Variants in BCAS3 observed in about 807,000 individuals in gnomAD.
BCAS3 encodes BCAS4/BCAS3 fusion.
In BCAS3, 53 loss-of-function variants were observed where a neutral mutation model predicts 116.1. The ratio of observed to expected loss-of-function variants is 0.46; its 90% CI spans 0.37 to 0.57. BCAS3 has a LOEUF of 0.57. Ranked by LOEUF, BCAS3 falls within the 20% of genes least tolerant of loss-of-function variation. BCAS3 has a pLI of 0.00. For missense variants in BCAS3, 917 were observed against 1,165.4 expected (o/e 0.79, Z 3.10); for synonymous variants, 391 against 408.2 (o/e 0.96, Z 0.51).
chr17:60,975,745 G>A (rs550617384), intron 14 of BCAS3, among the ~76,000 whole-genome samples: 1 of 152,050 alleles, frequency 6.6e-6, no homozygotes, highest in Non-Finnish European at 1.5e-5. Context: ...TTCTGTATCT[G>A]TGGATTTGCT....
chr17:61,078,275 G>A, intron 20 of BCAS3, 58 bp from the exon 21 acceptor site: 1 of 1,392,734 alleles, frequency 7.2e-7, no homozygotes, highest in Non-Finnish European at 9.9e-7. Flanking sequence ...GGGGGATTGT[G>A]AAGTCTCTCA....
chr17:60,724,869 A>G (rs1406781539), intron 5 of BCAS3, among the ~76,000 whole-genome samples: 2 of 149,090 alleles, frequency 1.3e-5, no homozygotes, highest in Non-Finnish European at 3.0e-5. Flanking sequence ...CCTTTTTTGT[A>G]GAGACAGAGT....
chr17:60,751,536 CTTTTTCTTTTTTTTT>C (rs374923014), intron 6 of BCAS3, among the ~76,000 whole-genome samples: 110,352 of 149,584 alleles, frequency 0.74, 45,887 homozygotes, highest in South Asian at 0.98. Context: ...TCTTTTTTTT[CTTTTTCTTTTTTTTT>C]TTTTTTTTGA....
intron 2 of BCAS3, among the ~76,000 whole-genome samples, chr17:60,680,504 T>C (rs2032893106): frequency 6.6e-6 from 1 of 152,200 alleles, no homozygotes; most frequent in African/African-American, 2.4e-5. Flanking sequence ...AAGGAATCTC[T>C]TAGTCTAGGT....
rs1010995480 is a variant in BCAS3, at chr17:61,300,491, A to G, written c.2426-67836A>G. ...GCATTTAAACCCATTGTGCTTAAGT[A>G]CCAGATTTCATTGCAGACTCTTTAG... is the stretch of plus-strand genomic sequence containing the variant. On this transcript the variant is annotated intron_variant, in intron 22 of 23. Coordinates refer to ENST00000407086, the MANE Select transcript of BCAS3 (RefSeq NM_017679.5). The surrounding 1 kb of genome is among the most constrained non-coding windows in gnomAD (Gnocchi z 5.1). Among the ~76,000 whole-genome samples the G allele has an allele frequency of 1.3e-5, 2 of 152,200 alleles. No individual in the cohort carries two copies. The highest frequency in any genetic ancestry group is 2.9e-5 in the Non-Finnish European group (2 of 68,034).
In BCAS3 at chr17:61,204,438, A is replaced by G. The variant is rs2081013233; in HGVS notation, c.2425+119874A>G. Among the ~76,000 whole-genome samples the G allele has an allele frequency of 6.6e-6, 1 of 152,128 alleles. No individual in the cohort carries two copies. Among genetic ancestry groups the G allele is most frequent in the Admixed American group, 6.6e-5 (1 of 15,264 alleles). ...GTTTGGATTTGTCTTTTTTTCCCAC[A>G]TTCATATTTGACTGCGCATTATGTG... On this transcript the variant is annotated intron_variant, in intron 22 of 23. Coordinates refer to ENST00000407086, the MANE Select transcript of BCAS3 (RefSeq NM_017679.5). This position sits in a 1 kb window ranked among gnomAD's most constrained non-coding sequence, Gnocchi z 4.2.
chr17:60,927,245 C>CT (rs200155104), intron 13 of BCAS3, among the ~76,000 whole-genome samples: 1,768 of 150,778 alleles, frequency 0.012, 35 homozygotes, highest in African/African-American at 0.039. Context: ...TTCTTTCTTT[C>CT]TTTTTTTGTT....
intron 5 of BCAS3, among the ~76,000 whole-genome samples, chr17:60,738,613 A>G (rs1036721942): frequency 6.6e-6 from 1 of 152,160 alleles, no homozygotes; most frequent in African/African-American, 2.4e-5. Context: ...TTTCTTCTAT[A>G]CAACATACAG....
At chr17:61,067,727 A>C (rs1360582481) in intron 19 of BCAS3, among the ~76,000 whole-genome samples, 1 of 91,638 alleles carries the variant, frequency 1.1e-5, no homozygotes, top group Admixed American at 1.0e-4. Flanking sequence ...ACAAACAAAC[A>C]AAAAAAAAAA....
intron 22 of BCAS3, among the ~76,000 whole-genome samples, chr17:61,190,489 T>C (rs1326088884): frequency 1.7e-5 from 2 of 115,160 alleles, no homozygotes; most frequent in African/African-American, 3.4e-5. Context: ...ATCACAACAC[T>C]GTACTCCAGC....
chr17:60,786,738 G>C (rs1395253187), intron 6 of BCAS3, among the ~76,000 whole-genome samples: 4 of 152,080 alleles, frequency 2.6e-5, no homozygotes, highest in Non-Finnish European at 5.9e-5. Context: ...ATGAAAAAGA[G>C]ATCAGTTGTT....
rs1484227405 is a variant in BCAS3 at position 60,919,506 on chromosome 17, G to A, written c.994-4901G>A. Among the ~76,000 whole-genome samples the A allele has an allele frequency of 5.3e-5, 8 of 152,140 alleles. No individual in the cohort carries two copies. In the South Asian group the frequency reaches 8.3e-4, roughly 16 times the overall value. On this transcript the variant is annotated intron_variant, in intron 12 of 23. Transcript: ENST00000407086. ...CGCCCAGCTAATTTTTGTGTTTTTA[G>A]TAGAGACGAGGTTTCACCATGTTGG... is the stretch of plus-strand genomic sequence containing the variant.
chr17:61,117,420 C>G (rs2075537693), intron 22 of BCAS3, among the ~76,000 whole-genome samples: 1 of 152,092 alleles, frequency 6.6e-6, no homozygotes, highest in Non-Finnish European at 1.5e-5. Flanking sequence ...AAGCAAGGCC[C>G]TGTGTCTACA....
At chr17:60,949,026 G>A (rs777040757) in intron 14 of BCAS3, among the ~76,000 whole-genome samples, 1 of 151,852 alleles carries the variant, frequency 6.6e-6, no homozygotes, top group Non-Finnish European at 1.5e-5. Context: ...ACAGGCATGT[G>A]CCACCACGCC....
At chr17:60,718,399 T>C (rs1239815587) in intron 5 of BCAS3, among the ~76,000 whole-genome samples, 1 of 152,148 alleles carries the variant, frequency 6.6e-6, no homozygotes, top group Non-Finnish European at 1.5e-5. Context: ...CTAACTACTT[T>C]TGCATGCATA....
chr17:60,707,449 T>C (rs1210784433), intron 4 of BCAS3, among the ~76,000 whole-genome samples: 3 of 152,196 alleles, frequency 2.0e-5, no homozygotes, highest in Non-Finnish European at 4.4e-5. Context: ...TGGGGGGTAC[T>C]TAGCACCCCT....
intron 9 of BCAS3, among the ~76,000 whole-genome samples, chr17:60,886,724 C>T (rs2056673014): frequency 6.6e-6 from 1 of 152,230 alleles, no homozygotes; most frequent in South Asian, 2.1e-4. Flanking sequence ...TCAGTGTGCT[C>T]CTGCTGGGGG....
chr17:60,833,152 C>T (rs1227326542), intron 7 of BCAS3, among the ~76,000 whole-genome samples: 5 of 152,108 alleles, frequency 3.3e-5, no homozygotes, highest in African/African-American at 1.2e-4. Context: ...CAGGTGCGAG[C>T]CACTGTACCT....
intron 5 of BCAS3, among the ~76,000 whole-genome samples, chr17:60,723,656 C>T (rs2039484630): frequency 6.7e-6 from 1 of 149,044 alleles, no homozygotes; most frequent in Non-Finnish European, 1.5e-5. Context: ...ATTCAAATTT[C>T]ATCCATTGTC....
Sources: allele counts gnomAD v4.1 joint callset (sites outside exome capture counted in the v4.1 genomes callset), GRCh38; gene constraint gnomAD v4.1.1; non-coding constraint Gnocchi (gnomAD v3.1); transcripts MANE v1.5; gene names NCBI Gene and HGNC (gene_info 2026-07-23, HGNC 2026-07-21).